MSTO1: variants seen among roughly 807,000 people sequenced by gnomAD.
MSTO1 encodes misato mitochondrial distribution and morphology regulator 1.
Under a neutral mutation model 55.7 loss-of-function variants are expected in MSTO1, and 24 were observed. The ratio of observed to expected loss-of-function variants is 0.43; its 90% CI spans 0.31 to 0.61. The LOEUF is 0.61. MSTO1 is among the 20% of genes least tolerant of loss of function. The pLI is 0.09. For missense variants in MSTO1, 363 were observed against 625.7 expected, an observed-to-expected ratio of 0.58 and a Z score of 4.48; for synonymous variants, 162 against 252.8, an observed-to-expected ratio of 0.64 and a Z score of 3.41.
intron 2 of MSTO1, 57 bp downstream of exon 2, chr1:155,610,617 CT>C: frequency 7.3e-7 from 1 of 1,371,356 alleles, no homozygotes. Context: ...GTGCCTAGTC[CT>C]TGCGCTGCCG....
the MSTO1 span, among the ~76,000 whole-genome samples, chr1:155,568,437 G>T: frequency 2.0e-5 from 3 of 148,362 alleles, no homozygotes; most frequent in Non-Finnish European, 4.5e-5. Context: ...TACAGGTTGA[G>T]TTTTTTTTGT....
Position 155,610,558 on chromosome 1 carries a change from A to G in MSTO1, c.218A>G (p.Lys73Arg), listed in dbSNP as rs1454479192. 1.1e-6 allele frequency: 1 copy of G among 947,048 alleles called. No homozygotes were observed. The highest frequency in any genetic ancestry group is 1.7e-5 in the South Asian group (1 of 58,268). The allele number at this position is 947,048 out of a possible 1,614,324, so 58.7% of individuals were successfully genotyped here. ...CCGCGACTCATCCTCATGGATCTGA[A>G]GGGTGAGGTGGTGGCAGAGTTAGCC... ...YTPRLILMDL[K>R]GSLSSLKEEG... Residue 73 changes from lysine to arginine, a missense_variant and splice_region_variant, in exon 2 of 14, where the codon AAG (lysine) becomes AGG (arginine). Physicochemically the swap from Lys to Arg is conservative, Grantham distance 26. This residue lies in a region of MSTO1 where 94 missense variants were observed against 212.4 expected (regional missense o/e 0.44). Coordinates refer to ENST00000245564, the MANE Select transcript of MSTO1 (RefSeq NM_018116.4).
chr1:155,575,556 G>A, the MSTO1 span, among the ~76,000 whole-genome samples: 34 of 151,416 alleles, frequency 2.2e-4, no homozygotes, highest in South Asian at 6.3e-4. Context: ...GATCCTCCCC[G>A]CTCAGCCCCC....
chr1:155,598,745 A>T, the MSTO1 span: 12 of 620,514 alleles, frequency 1.9e-5, no homozygotes, highest in Admixed American at 3.3e-4. Context: ...AACAAAAAAA[A>T]CATAAGTACT....
chr1:155,569,038 G>C, the MSTO1 span, among the ~76,000 whole-genome samples: 3 of 151,522 alleles, frequency 2.0e-5, no homozygotes, highest in Non-Finnish European at 2.9e-5. Context: ...TATTTTAGTA[G>C]AGCCGGGGTT....
chr1:155,571,100 G>C, the MSTO1 span, among the ~76,000 whole-genome samples: 1 of 152,244 alleles, frequency 6.6e-6, no homozygotes, highest in East Asian at 1.9e-4. Flanking sequence ...GCCAAAGTGG[G>C]AGAATTGCTT....
the MSTO1 span, among the ~76,000 whole-genome samples, chr1:155,601,292 C>G: frequency 1.3e-5 from 2 of 151,522 alleles, no homozygotes; most frequent in African/African-American, 4.9e-5. Flanking sequence ...TGCCACCACG[C>G]CCGGCTATTT....
chr1:155,603,272 A>C, the MSTO1 span, among the ~76,000 whole-genome samples: 1 of 151,798 alleles, frequency 6.6e-6, no homozygotes, highest in Non-Finnish European at 1.5e-5. Flanking sequence ...GGCCCCATGC[A>C]TGTAATCCCA....
At chr1:155,575,789 A>AT in the MSTO1 span, among the ~76,000 whole-genome samples, 3 of 145,354 alleles carry the variant, frequency 2.1e-5, no homozygotes, top group South Asian at 2.1e-4. Flanking sequence ...TTTTTGTCTT[A>AT]TTTTATTTTT....
chr1:155,600,057 A>T, the MSTO1 span, among the ~76,000 whole-genome samples: 1 of 152,082 alleles, frequency 6.6e-6, no homozygotes, highest in Non-Finnish European at 1.5e-5. Context: ...CCTTCCTCTT[A>T]TACTAATCCT....
At chr1:155,591,073 C>T in the MSTO1 span, 6 of 1,613,746 alleles carry the variant, frequency 3.7e-6, no homozygotes, top group South Asian at 6.6e-5. Flanking sequence ...GTACACCTTG[C>T]ACTGCATCTG....
At chr1:155,575,576 G>A in the MSTO1 span, among the ~76,000 whole-genome samples, 2 of 151,786 alleles carry the variant, frequency 1.3e-5, no homozygotes, top group East Asian at 3.9e-4. Flanking sequence ...CCAAATAGCT[G>A]GGTCCACAGT....
At chr1:155,569,426 C>T in the MSTO1 span, among the ~76,000 whole-genome samples, 2 of 140,106 alleles carry the variant, frequency 1.4e-5, no homozygotes, top group East Asian at 2.2e-4. Context: ...TGAGCCACTG[C>T]GCCCGGTCTT....
chr1:155,588,382 C>T, the MSTO1 span, among the ~76,000 whole-genome samples: 1 of 152,064 alleles, frequency 6.6e-6, no homozygotes, highest in Non-Finnish European at 1.5e-5. Context: ...TAAGATGCCT[C>T]ATTTCACTAA....
Position 155,612,934 on chromosome 1 carries a change from A to T in MSTO1, c.1057A>T (p.Met353Leu). 1.9e-6 allele frequency: 3 copies of T among 1,613,790 alleles called. No homozygotes were observed. The highest frequency in any genetic ancestry group is 2.5e-6 in the Non-Finnish European group (3 of 1,179,820). The change falls in exon 10 of 14, where the codon ATG (methionine) becomes TTG (leucine). Residue 353 changes from methionine to leucine, a missense_variant. Met to Leu is a conservative substitution (Grantham distance 15). Coordinates refer to ENST00000245564, the MANE Select transcript of MSTO1 (RefSeq NM_018116.4). ...TCGCCTGTGTTCCTCTCCAGTTTCCATGGTTCATCTGGCTGACATGCTGAG... is the reference window on the plus strand; with the variant it reads ...TCGCCTGTGTTCCTCTCCAGTTTCCTTGGTTCATCTGGCTGACATGCTGAG... ...PYRLCSSPVS[M>L]VHLADMLSFC...
the MSTO1 span, among the ~76,000 whole-genome samples, chr1:155,600,389 T>G: frequency 2.6e-5 from 4 of 152,110 alleles, no homozygotes; most frequent in African/African-American, 9.7e-5. Context: ...GGTCATAGAT[T>G]AACAGAATCT....
Position 155,614,531 on chromosome 1 carries a change from T to C in MSTO1, c.*258T>C, listed in dbSNP as rs1675205600. 1 of 624,356 alleles carries C rather than the reference T, an allele frequency of 1.6e-6. No individual in the cohort carries two copies. Among genetic ancestry groups the C allele is most frequent in the Non-Finnish European group, 2.9e-6 (1 of 345,564 alleles). 38.7% of individuals were successfully genotyped at this position (624,356 alleles called of 1,614,324 possible). ...ATCTGTAAAGTCTTCATAAAAGACC[T>C]TGAATGATGCCTAGGATGGCAGAGC... is the stretch of plus-strand genomic sequence containing the variant. On this transcript the variant is annotated 3_prime_UTR_variant, in exon 14 of 14. Transcript: ENST00000245564.
the MSTO1 span, among the ~76,000 whole-genome samples, chr1:155,600,754 G>A: frequency 6.6e-6 from 1 of 152,108 alleles, no homozygotes; most frequent in Non-Finnish European, 1.5e-5. Flanking sequence ...TGCCATGTTG[G>A]CAAGCTCCGC....
At chr1:155,591,135 G>A in the MSTO1 span, 2 of 1,613,472 alleles carry the variant, frequency 1.2e-6, no homozygotes, top group African/African-American at 1.3e-5. Flanking sequence ...ACACCACCTG[G>A]CCACCACGAT....
Sources: allele counts gnomAD v4.1 joint callset (sites outside exome capture counted in the v4.1 genomes callset), GRCh38; gene constraint gnomAD v4.1.1; regional missense constraint gnomAD v4.1.1; transcripts MANE v1.5; gene names NCBI Gene and HGNC (gene_info 2026-07-23, HGNC 2026-07-21).